The following DAB1 variants were observed in gnomAD, a reference collection of about 807,000 sequenced individuals.
DAB1 encodes the protein DAB adaptor protein 1.
Under a neutral mutation model 64.6 loss-of-function variants are expected in DAB1, and 15 were observed. That is an observed-to-expected ratio of 0.23 (90% CI 0.16 to 0.36). The LOEUF is 0.36. Among genes scored for constraint, DAB1 ranks in the 10% least tolerant of loss-of-function variants. DAB1 has a pLI of 1.00. For synonymous variants in DAB1, 235 were observed against 251.9 expected, an observed-to-expected ratio of 0.93 and a Z score of 0.64; for missense variants, 596 against 706.7, an observed-to-expected ratio of 0.84 and a Z score of 1.78.
chr1:57,895,346 C>T (rs1051841671), intron 5 of DAB1, among the ~76,000 whole-genome samples: 2 of 152,158 alleles, frequency 1.3e-5, no homozygotes, highest in African/African-American at 4.8e-5. Context: ...AAGTAATTTG[C>T]CCAAGGTCAC....
At chr1:57,896,774 T>A (rs920012252) in intron 5 of DAB1, among the ~76,000 whole-genome samples, 16 of 152,186 alleles carry the variant, frequency 1.1e-4, no homozygotes, top group African/African-American at 3.6e-4. Flanking sequence ...CCTGAGCACT[T>A]AATGAGTGTC....
chr1:57,958,929 A>C (rs1645452771), intron 5 of DAB1, among the ~76,000 whole-genome samples: 2 of 152,242 alleles, frequency 1.3e-5, no homozygotes, highest in South Asian at 4.1e-4. Context: ...CTCTGTCTCC[A>C]AATAAGATCA....
At chr1:57,815,253 A>G (rs1057443136) in intron 6 of DAB1, among the ~76,000 whole-genome samples, 2 of 151,986 alleles carry the variant, frequency 1.3e-5, no homozygotes, top group Non-Finnish European at 2.9e-5. Flanking sequence ...TATTTTTAGT[A>G]GAGATAGCGT....
intron 6 of DAB1, among the ~76,000 whole-genome samples, chr1:57,688,728 T>C (rs934360453): frequency 6.6e-6 from 1 of 152,196 alleles, no homozygotes; most frequent in African/African-American, 2.4e-5. Flanking sequence ...TGAAATACTA[T>C]GCAGCCATAA....
At chr1:57,168,570 A>T (rs146436106) in intron 2 of DAB1, among the ~76,000 whole-genome samples, 5 of 152,222 alleles carry the variant, frequency 3.3e-5, no homozygotes, top group African/African-American at 9.6e-5. Context: ...TCACCTCTGT[A>T]CCTGTCACCT....
In DAB1 at chr1:57,915,551, C is replaced by T. The variant is rs180752107; in HGVS notation, n.388-31389G>A. Among the ~76,000 whole-genome samples the T allele has an allele frequency of 3.4e-4, 52 of 150,890 alleles. 1 individual carries two copies. The highest frequency in any genetic ancestry group is 9.7e-4 in the African/African-American group (39 of 40,174). ...TTCATACTTAAGACATCAAAGCTGG[C>T]AGCCTTGCTTTCAATTCCCCCCCAG... On this transcript the variant is annotated intron_variant and non_coding_transcript_variant, in intron 5 of 20. Coordinates refer to the DAB1 transcript ENST00000485760.
intron 1 of DAB1, among the ~76,000 whole-genome samples, chr1:57,881,542 C>A (rs1239160119): frequency 6.6e-6 from 1 of 152,162 alleles, no homozygotes. Flanking sequence ...ATCTATAAAT[C>A]AGATATGACA....
At chr1:58,489,653 G>A (rs1470564745) in intron 3 of DAB1, among the ~76,000 whole-genome samples, 1 of 152,186 alleles carries the variant, frequency 6.6e-6, no homozygotes, top group East Asian at 1.9e-4. Flanking sequence ...CCTCAAGTGG[G>A]TCCCTGACCC....
intron 9 of DAB1, among the ~76,000 whole-genome samples, chr1:57,043,750 G>A (rs546264241): frequency 4.6e-5 from 7 of 152,178 alleles, no homozygotes; most frequent in African/African-American, 1.7e-4. Flanking sequence ...AGGATGCTGA[G>A]GCAGGATAAT....
At chr1:57,073,877 T>C (rs1002946688) in intron 4 of DAB1, among the ~76,000 whole-genome samples, 1 of 152,210 alleles carries the variant, frequency 6.6e-6, no homozygotes, top group Non-Finnish European at 1.5e-5. Flanking sequence ...CCAAGTTTAT[T>C]TGGAATTTCT....
At chr1:57,642,070 A>G (rs191663761) in intron 7 of DAB1, among the ~76,000 whole-genome samples, 4 of 152,180 alleles carry the variant, frequency 2.6e-5, no homozygotes, top group Non-Finnish European at 1.5e-5. Context: ...GGTCTGATTT[A>G]TTATCATTAG....
At chr1:57,327,834 T>C (rs751653353) in intron 1 of DAB1, among the ~76,000 whole-genome samples, 14 of 151,918 alleles carry the variant, frequency 9.2e-5, no homozygotes, top group Non-Finnish European at 1.8e-4. Context: ...GCTTGAGAGA[T>C]TTACAAGTGG....
chr1:57,118,082 A>C (rs906177216), intron 4 of DAB1, among the ~76,000 whole-genome samples: 2 of 152,236 alleles, frequency 1.3e-5, no homozygotes, highest in Non-Finnish European at 2.9e-5. Flanking sequence ...AGTACAAGAC[A>C]TATAGGTATA....
At chr1:57,814,519 C>T (rs1651764568) in intron 6 of DAB1, among the ~76,000 whole-genome samples, 1 of 152,184 alleles carries the variant, frequency 6.6e-6, no homozygotes, top group Non-Finnish European at 1.5e-5. Flanking sequence ...TGGGATTTCT[C>T]AAACTGCACA....
intron 5 of DAB1, among the ~76,000 whole-genome samples, chr1:58,084,815 A>G (rs1381427398): frequency 6.7e-6 from 1 of 150,358 alleles, no homozygotes; most frequent in Non-Finnish European, 1.5e-5. Context: ...ACATATGTGT[A>G]TATATATATG....
rs1046655207 is a variant in DAB1, at chr1:56,995,786, A to G, written c.*2358T>C. The G allele has an allele frequency of 1.3e-5, 2 of 152,234 alleles. No individual in the cohort carries two copies. Among genetic ancestry groups the G allele is most frequent in the African/African-American group, 4.8e-5 (2 of 41,468 alleles). 9.4% of individuals were successfully genotyped at this position (152,234 alleles called of 1,614,324 possible). On this transcript the variant is annotated 3_prime_UTR_variant, in exon 15 of 15. Coordinates refer to ENST00000371236, the MANE Select transcript of DAB1 (RefSeq NM_001365792.1). Reference sequence around the variant, plus strand: ...AAGCAATTTCCCATGGGAACTGCCTATCTTACCAAATCCCCAGAAAACAAA... The same window carrying G: ...AAGCAATTTCCCATGGGAACTGCCTGTCTTACCAAATCCCCAGAAAACAAA...
At chr1:58,074,010 A>C (rs2100577101) in intron 5 of DAB1, among the ~76,000 whole-genome samples, 1 of 152,340 alleles carries the variant, frequency 6.6e-6, no homozygotes, top group South Asian at 2.1e-4. Context: ...TCCATGTGAT[A>C]TTGATGAGAC....
At chr1:57,362,399 A>C (rs373093331) in intron 1 of DAB1, among the ~76,000 whole-genome samples, 75 of 152,308 alleles carry the variant, frequency 4.9e-4, no homozygotes, top group African/African-American at 1.8e-3. Context: ...CATTACTCCT[A>C]TACCTTCTCA....
rs754304016 is a variant in DAB1 at position 57,120,533 on chromosome 1, GCAAC to G, written c.306+16006_306+16009del. On this transcript the variant is annotated intron_variant, in intron 4 of 14. Coordinates refer to ENST00000371236, the MANE Select transcript of DAB1 (RefSeq NM_001365792.1). ...GCATTAAGTACATTCACATTGTTGTGCAACCATCACCACCATCCATCCATTAAAC... is the reference window on the plus strand; with the variant it reads ...GCATTAAGTACATTCACATTGTTGTGCATCACCACCATCCATCCATTAAAC... Among the ~76,000 whole-genome samples, 235 of 152,240 alleles carry G rather than the reference GCAAC, an allele frequency of 1.5e-3. 1 individual carries two copies. Among genetic ancestry groups the G allele is most frequent in the Middle Eastern group, 3.4e-3 (1 of 294 alleles).
Sources: allele counts gnomAD v4.1 joint callset (sites outside exome capture counted in the v4.1 genomes callset), GRCh38; gene constraint gnomAD v4.1.1; transcripts MANE v1.5; gene names NCBI Gene and HGNC (gene_info 2026-07-23, HGNC 2026-07-21).